Variants in PELO observed in about 807,000 individuals in gnomAD.
PELO encodes the protein protein pelota homolog.
In PELO, 19 loss-of-function variants were observed where a neutral mutation model predicts 25.9. The ratio of observed to expected loss-of-function variants is 0.73; its 90% CI spans 0.51 to 1.08. The LOEUF (loss-of-function observed/expected upper bound fraction) is 1.08. PELO is among the 50% of genes least tolerant of loss of function. The pLI is 0.00. For synonymous variants in PELO, 196 were observed against 192.2 expected (o/e 1.02, Z -0.16); for missense variants, 498 against 491.4 (o/e 1.01, Z -0.13).
chr5:52,792,491 C>T (rs565335949), intron 1 of PELO, among the ~76,000 whole-genome samples: 28 of 152,146 alleles, frequency 1.8e-4, no homozygotes, highest in Non-Finnish European at 3.2e-4. Context: ...TTAACTATTT[C>T]TCTTCCCTCC....
intron 1 of PELO, among the ~76,000 whole-genome samples, chr5:52,789,547 G>A (rs969560654): frequency 9.2e-5 from 14 of 152,178 alleles, no homozygotes; most frequent in African/African-American, 3.4e-4. Context: ...AATGTAAAGA[G>A]AGTTAATAAT....
intron 1 of PELO, among the ~76,000 whole-genome samples, chr5:52,793,273 T>A (rs1192498492): frequency 6.6e-6 from 1 of 152,076 alleles, no homozygotes; most frequent in Non-Finnish European, 1.5e-5. Context: ...TTTAATTGAA[T>A]GAATCGCAAA....
At chr5:52,801,368 TAGG>T (rs1193207826) in intron 2 of PELO, 38 bp from the exon 3 acceptor site, 5 of 1,519,534 alleles carry the variant, frequency 3.3e-6, no homozygotes, top group Non-Finnish European at 4.5e-6. Context: ...ATGGGTGTTC[TAGG>T]AGATTATTTT....
intron 1 of PELO, among the ~76,000 whole-genome samples, chr5:52,789,680 T>C (rs1050442339): frequency 3.3e-5 from 5 of 152,244 alleles, no homozygotes; most frequent in Admixed American, 6.5e-5. Flanking sequence ...CTACTGCCAC[T>C]ACTTTTTACA....
In PELO at chr5:52,800,942, A is replaced by T. The variant is rs1748465977; in HGVS notation, c.548A>T (p.Glu183Val). The T allele has an allele frequency of 6.2e-7, 1 of 1,614,050 alleles. No individual in the cohort carries two copies. Among genetic ancestry groups the T allele is most frequent in the Admixed American group, 1.7e-5 (1 of 60,004 alleles). Residue 183 changes from glutamate (E) to valine (V), a missense_variant, in exon 2 of 3, where the codon GAG (glutamate) becomes GTG (valine). Transcript: ENST00000274311. ...GNCSQHDRAL[E>V]RFYEQVVQAI... ...TGCTCTCAGCATGACCGGGCCTTGG[A>T]GCGGTTCTATGAACAGGTGGTCCAG...
rs138645417 is a variant in PELO at position 52,798,499 on chromosome 5, T to C, written c.-510-1386T>C. ...ATTTTAGGACGTTTATTTGCCAAAATTAAGGACGTGCGCGGGGAAGACAGG... is the reference window on the plus strand; with the variant it reads ...ATTTTAGGACGTTTATTTGCCAAAACTAAGGACGTGCGCGGGGAAGACAGG... On this transcript the variant is annotated intron_variant, in intron 1 of 2. Coordinates refer to ENST00000274311, the MANE Select transcript of PELO (RefSeq NM_015946.5). 5.9e-5 allele frequency among the ~76,000 whole-genome samples: 9 copies of C among 152,196 alleles called. 1 individual carries two copies. The highest frequency in any genetic ancestry group is 1.9e-4 in the African/African-American group (8 of 41,504).
Position 52,800,098 on chromosome 5 carries a change from T to G in PELO, c.-297T>G. 5.8e-6 allele frequency: 2 copies of G among 343,800 alleles called. No individual in the cohort carries two copies. Among genetic ancestry groups the G allele is most frequent in the South Asian group, 3.2e-5 (1 of 31,718 alleles). 21.3% of individuals were successfully genotyped at this position (343,800 alleles called of 1,614,324 possible). A position where few individuals can be genotyped will look rare whatever the true frequency, so the allele number is the denominator to read the frequency against. On this transcript the variant is annotated 5_prime_UTR_variant, in exon 2 of 3. It adds an upstream start codon to the 5' untranslated region. Transcript: ENST00000274311. ...ACGGGGGCTGCGCATGCGCCTTCAT[T>G]TCGTCAGCCCGCTGTTGCGTGCTGC...
chr5:52,788,712 A>T (rs923967412), intron 1 of PELO, among the ~76,000 whole-genome samples: 2 of 152,176 alleles, frequency 1.3e-5, no homozygotes, highest in African/African-American at 4.8e-5. Flanking sequence ...TACAATACAC[A>T]TTGTATATTA....
Position 52,800,212 on chromosome 5 carries a change from A to T in PELO, c.-183A>T. On this transcript the variant is annotated 5_prime_UTR_variant, in exon 2 of 3. Transcript: ENST00000274311. The stretch of plus-strand genomic sequence containing the variant: ...CGCCGGGAGACTGAGAGAGGAAAGG[A>T]TAGAGGAAGTGCTGCCCTAGGCTGC... 1 of 620,052 alleles carries T rather than the reference A, an allele frequency of 1.6e-6. No homozygotes were observed. The allele number at this position is 620,052 out of a possible 1,614,324, so 38.4% of individuals were successfully genotyped here. A position where few individuals can be genotyped will look rare whatever the true frequency, so the allele number is the denominator to read the frequency against.
chr5:52,796,207 G>A (rs1431863713), intron 1 of PELO, among the ~76,000 whole-genome samples: 2 of 151,902 alleles, frequency 1.3e-5, no homozygotes, highest in African/African-American at 2.4e-5. Flanking sequence ...CAATTGAAGA[G>A]TAAGAGCTAC....
intron 1 of PELO, among the ~76,000 whole-genome samples, chr5:52,798,397 T>A (rs1308249432): frequency 6.7e-5 from 3 of 44,708 alleles, no homozygotes; most frequent in African/African-American, 2.5e-4. Context: ...CCTGATAATC[T>A]CTTAGGAAGA....
rs1258957351 is a variant in PELO, at chr5:52,801,476, G to T, written c.794G>T (p.Arg265Leu). The T allele has an allele frequency of 1.9e-6, 3 of 1,613,862 alleles. No individual in the cohort carries two copies. In the African/African-American group the frequency reaches 4.0e-5, roughly 22 times the overall value. ...EALCDPTVASRLSDTKAAGEV... is the reference protein window; with the variant it reads ...EALCDPTVASLLSDTKAAGEV... Reference sequence around the variant, plus strand: ...CTTTGTGACCCTACTGTGGCTAGCCGCCTTTCAGACACTAAAGCTGCTGGG... The same window carrying T: ...CTTTGTGACCCTACTGTGGCTAGCCTCCTTTCAGACACTAAAGCTGCTGGG... Residue 265 changes from arginine to leucine, a missense_variant, in exon 3 of 3, where the codon CGC becomes CTC. Coordinates refer to ENST00000274311, the MANE Select transcript of PELO (RefSeq NM_015946.5).
At chr5:52,789,171 T>C (rs1433762294) in intron 1 of PELO, among the ~76,000 whole-genome samples, 1 of 152,162 alleles carries the variant, frequency 6.6e-6, no homozygotes, top group African/African-American at 2.4e-5. Context: ...TGTAAGATTT[T>C]CCCAATAATG....
Position 52,800,029 on chromosome 5 carries a change from C to T in PELO, c.-366C>T, listed in dbSNP as rs1748425348. On this transcript the variant is annotated 5_prime_UTR_variant, in exon 2 of 3. Coordinates refer to ENST00000274311, the MANE Select transcript of PELO (RefSeq NM_015946.5). ...CGCCTGCGCACGCGCGAACTGCGGC[C>T]CCGCCTCTCCTTTGGGGACGGGAGA... The T allele has an allele frequency of 3.5e-6, 1 of 289,128 alleles. No individual in the cohort carries two copies. Among genetic ancestry groups the T allele is most frequent in the Non-Finnish European group, 6.6e-6 (1 of 150,600 alleles). 17.9% of individuals were successfully genotyped at this position (289,128 alleles called of 1,614,324 possible).
At chr5:52,792,127 A>G (rs1748254318) in intron 1 of PELO, among the ~76,000 whole-genome samples, 1 of 152,236 alleles carries the variant, frequency 6.6e-6, no homozygotes, top group Non-Finnish European at 1.5e-5. Flanking sequence ...CTCGTTATTA[A>G]GAATATAAAT....
At position 52,788,256 on chromosome 5, in the gene PELO, G is replaced by T; in HGVS notation, c.-669G>T. The T allele has an allele frequency of 1.1e-6, 1 of 940,318 alleles. No individual in the cohort carries two copies. The highest frequency in any genetic ancestry group is 2.0e-5 in the South Asian group (1 of 50,730). 58.2% of individuals were successfully genotyped at this position (940,318 alleles called of 1,614,324 possible). A position where few individuals can be genotyped will look rare whatever the true frequency, so the allele number is the denominator to read the frequency against. Reference sequence around the variant, plus strand: ...ACTGGGGCAGAGGACTGGGAACCGCGGCAGCGGGATAAGTGGCCCAGCCAG... The same window carrying T: ...ACTGGGGCAGAGGACTGGGAACCGCTGCAGCGGGATAAGTGGCCCAGCCAG... On this transcript the variant is annotated 5_prime_UTR_variant, in exon 1 of 3. Coordinates refer to ENST00000274311, the MANE Select transcript of PELO (RefSeq NM_015946.5).
Position 52,800,856 on chromosome 5 carries a change from C to T in PELO, c.462C>T (p.Pro154=). ...TCGCCCATATCTGCTTAGTCACTCCCAGCATGACCCTCACTCGGGCCAAGG... is the reference window on the plus strand; with the variant it reads ...TCGCCCATATCTGCTTAGTCACTCCTAGCATGACCCTCACTCGGGCCAAGG... ...EGLAHICLVT[P]SMTLTRAKVE... The change falls in exon 2 of 3, where the codon CCC becomes CCT. Residue 154 remains proline (P), a synonymous_variant. Coordinates refer to ENST00000274311, the MANE Select transcript of PELO (RefSeq NM_015946.5). The T allele has an allele frequency of 6.2e-7, 1 of 1,610,288 alleles. No individual in the cohort carries two copies.
intron 1 of PELO, among the ~76,000 whole-genome samples, chr5:52,793,259 A>T (rs1055039044): frequency 6.6e-6 from 1 of 152,068 alleles, no homozygotes; most frequent in African/African-American, 2.4e-5. Context: ...AATAATAGGC[A>T]CTTTTTAATT....
chr5:52,801,931 G>C lies in PELO; in HGVS notation c.*91G>C. On this transcript the variant is annotated 3_prime_UTR_variant, in exon 3 of 3. Coordinates refer to ENST00000274311, the MANE Select transcript of PELO (RefSeq NM_015946.5). ...CCTTGTGACAGAAAGCTGCAAGAAT[G>C]GCACTTTTTGATTCATACAGGGATT... 1 of 917,674 alleles carries C rather than the reference G, an allele frequency of 1.1e-6. No homozygotes were observed. The highest frequency in any genetic ancestry group is 2.9e-5 in the Admixed American group (1 of 34,752). 56.8% of individuals were successfully genotyped at this position (917,674 alleles called of 1,614,324 possible).
Sources: allele counts gnomAD v4.1 joint callset (sites outside exome capture counted in the v4.1 genomes callset), GRCh38; gene constraint gnomAD v4.1.1; transcripts MANE v1.5; gene names NCBI Gene and HGNC (gene_info 2026-07-23, HGNC 2026-07-21).